The following DYTN variants were observed in gnomAD, a reference collection of about 807,000 sequenced individuals.
The protein encoded by DYTN is dystrotelin.
Under a neutral mutation model 69.6 loss-of-function variants are expected in DYTN, and 75 were observed. The ratio of observed to expected loss-of-function variants is 1.08; its 90% confidence interval spans 0.89 to 1.31. DYTN has a LOEUF of 1.31. DYTN is among the 50% of genes most tolerant of loss of function. The probability of loss-of-function intolerance (pLI) is 0.00; values close to 1 mark genes in which losing one functional copy is unlikely to be tolerated. For missense variants in DYTN, 726 were observed against 688.4 expected (o/e 1.05, Z -0.61); for synonymous variants, 252 against 249.1 (o/e 1.01, Z -0.11).
At chr2:206,684,112 C>A (rs1172709104) in intron 9 of DYTN, among the ~76,000 whole-genome samples, 1 of 151,776 alleles carries the variant, frequency 6.6e-6, no homozygotes, top group Non-Finnish European at 1.5e-5. Flanking sequence ...GTTCCTAGAA[C>A]AACATTCAAT....
At chr2:206,688,251 A>G (rs1342781763) in intron 9 of DYTN, among the ~76,000 whole-genome samples, 1 of 152,182 alleles carries the variant, frequency 6.6e-6, no homozygotes, top group Non-Finnish European at 1.5e-5. Flanking sequence ...TATATTGTTG[A>G]TTCATTAGCA....
At chr2:206,696,097 G>T (rs1490231642) in intron 7 of DYTN, among the ~76,000 whole-genome samples, 1 of 152,232 alleles carries the variant, frequency 6.6e-6, no homozygotes, top group Admixed American at 6.5e-5. Flanking sequence ...GGGTATAGCA[G>T]GGAGGCAGAG....
chr2:206,656,546 T>G (rs1699449699), intron 11 of DYTN, among the ~76,000 whole-genome samples: 1 of 152,288 alleles, frequency 6.6e-6, no homozygotes, highest in Non-Finnish European at 1.5e-5. Context: ...TGTCTTTTAG[T>G]TGTATTGCCC....
intron 11 of DYTN, among the ~76,000 whole-genome samples, chr2:206,659,930 T>G (rs560648572): frequency 6.6e-6 from 1 of 150,384 alleles, no homozygotes; most frequent in South Asian, 2.1e-4. Flanking sequence ...ATTTTAAATC[T>G]CAACAATTAG....
At chr2:206,672,835 TA>T (rs1483171539) in intron 9 of DYTN, among the ~76,000 whole-genome samples, 3 of 152,196 alleles carry the variant, frequency 2.0e-5, no homozygotes, top group African/African-American at 7.2e-5. Context: ...AATGTACACT[TA>T]AAAAAACATA....
chr2:206,703,351 C>T (rs768760572), intron 5 of DYTN, among the ~76,000 whole-genome samples: 6 of 152,092 alleles, frequency 3.9e-5, no homozygotes, highest in East Asian at 3.9e-4. Flanking sequence ...CCCACCTGCT[C>T]GAGTCTTGTG....
At chr2:206,690,660 T>C (rs16838573) in intron 9 of DYTN, among the ~76,000 whole-genome samples, 2,434 of 152,300 alleles carry the variant, frequency 0.016, 53 homozygotes, top group African/African-American at 0.055. Context: ...ATGGATTGAA[T>C]TGTTTGTATG....
At chr2:206,658,421 G>GA (rs936568864) in intron 11 of DYTN, among the ~76,000 whole-genome samples, 6 of 151,438 alleles carry the variant, frequency 4.0e-5, no homozygotes, top group African/African-American at 1.2e-4. Context: ...CTGTGCAATA[G>GA]AAAAAATAAC....
At chr2:206,712,648 C>T (rs1221937773) in intron 1 of DYTN, among the ~76,000 whole-genome samples, 1 of 152,024 alleles carries the variant, frequency 6.6e-6, no homozygotes, top group Non-Finnish European at 1.5e-5. Context: ...TAGCAAAGTC[C>T]CTCTCAGAGG....
At position 206,659,396 on chromosome 2, in the gene DYTN, G is replaced by A. The variant is rs569096601; in HGVS notation, c.1633+3507C>T. 9.9e-4 allele frequency among the ~76,000 whole-genome samples: 141 copies of A among 142,010 alleles called. 1 individual carries two copies. The highest frequency in any genetic ancestry group is 3.2e-3 in the African/African-American group (122 of 38,400). The allele number at this position is 142,010 out of a possible 152,430, so 93.2% of individuals were successfully genotyped here. A position where few individuals can be genotyped will look rare whatever the true frequency, so the allele number is the denominator to read the frequency against. ...TCACCGTGTTAGCCAGGATGGTATCGATCTCCTGACCTCGTGATCTGCCCG... is the reference window on the plus strand; with the variant it reads ...TCACCGTGTTAGCCAGGATGGTATCAATCTCCTGACCTCGTGATCTGCCCG... On this transcript the variant is annotated intron_variant, in intron 11 of 11. Coordinates refer to ENST00000452335, the MANE Select transcript of DYTN (RefSeq NM_001093730.1).
At chr2:206,656,374 A>C (rs149407916) in intron 11 of DYTN, among the ~76,000 whole-genome samples, 14 of 152,262 alleles carry the variant, frequency 9.2e-5, no homozygotes, top group African/African-American at 3.4e-4. Flanking sequence ...GTGTCCTTAA[A>C]TCTGAAGTGA....
intron 9 of DYTN, among the ~76,000 whole-genome samples, chr2:206,677,762 G>A (rs755819803): frequency 1.1e-4 from 17 of 152,038 alleles, no homozygotes; most frequent in Admixed American, 8.5e-4. Context: ...AGACTGAGGC[G>A]GGCAGATCAC....
At chr2:206,697,168 C>A (rs1252850912) in intron 7 of DYTN, among the ~76,000 whole-genome samples, 1 of 152,168 alleles carries the variant, frequency 6.6e-6, no homozygotes, top group Non-Finnish European at 1.5e-5. Context: ...TAATATGCTG[C>A]TCTATCCTTA....
chr2:206,697,165 C>T (rs552378055), intron 7 of DYTN, among the ~76,000 whole-genome samples: 94 of 152,286 alleles, frequency 6.2e-4, no homozygotes, highest in South Asian at 1.0e-3. Context: ...GGATAATATG[C>T]TGCTCTATCC....
intron 9 of DYTN, among the ~76,000 whole-genome samples, chr2:206,668,121 C>T (rs1218106716): frequency 6.6e-6 from 1 of 152,112 alleles, no homozygotes; most frequent in Non-Finnish European, 1.5e-5. Context: ...TTTTACACAG[C>T]CAACAACAAA....
At chr2:206,683,843 C>T (rs564916490) in intron 9 of DYTN, among the ~76,000 whole-genome samples, 1 of 151,810 alleles carries the variant, frequency 6.6e-6, no homozygotes, top group South Asian at 2.1e-4. Flanking sequence ...TGACTTACTC[C>T]CTCACTTCCT....
At chr2:206,672,843 CAT>C (rs1291351224) in intron 9 of DYTN, among the ~76,000 whole-genome samples, 1 of 152,194 alleles carries the variant, frequency 6.6e-6, no homozygotes, top group African/African-American at 2.4e-5. Context: ...CTTAAAAAAA[CAT>C]AGCATTTCTA....
intron 9 of DYTN, among the ~76,000 whole-genome samples, chr2:206,690,738 C>T (rs1699854796): frequency 6.6e-6 from 1 of 152,050 alleles, no homozygotes; most frequent in African/African-American, 2.4e-5. Context: ...AGCTTTTAGC[C>T]AAATGAGAAG....
chr2:206,661,238 T>C (rs1699508010), intron 11 of DYTN, among the ~76,000 whole-genome samples: 1 of 152,208 alleles, frequency 6.6e-6, no homozygotes, highest in Admixed American at 6.5e-5. Flanking sequence ...TTTTGGTTCT[T>C]CGTTTAAGCC....
Sources: allele counts gnomAD v4.1 joint callset (sites outside exome capture counted in the v4.1 genomes callset), GRCh38; gene constraint gnomAD v4.1.1; transcripts MANE v1.5; gene names NCBI Gene and HGNC (gene_info 2026-07-23, HGNC 2026-07-21).